Variants in BORCS5 observed in about 807,000 individuals in gnomAD.
The protein encoded by BORCS5 is BLOC-1 related complex subunit 5.
A neutral mutation model predicts 22.1 loss-of-function variants in BORCS5; 17 were observed. That is an observed-to-expected ratio of 0.77 (90% CI 0.53 to 1.15). The LOEUF (loss-of-function observed/expected upper bound fraction) is 1.15. BORCS5 is among the 50% of genes most tolerant of loss of function. BORCS5 has a pLI of 0.00. For missense variants in BORCS5, 247 were observed against 253.2 expected (o/e 0.98, Z 0.17); for synonymous variants, 117 against 99.8 (o/e 1.17, Z -1.03).
At chr12:12,383,839 A>G (rs536938216) in intron 2 of BORCS5, among the ~76,000 whole-genome samples, 1 of 150,960 alleles carries the variant, frequency 6.6e-6, no homozygotes, top group Admixed American at 6.6e-5. Context: ...AGCTTCTTGA[A>G]TGTGTGGATT....
At chr12:12,439,883 A>G (rs1483891902) in intron 3 of BORCS5, among the ~76,000 whole-genome samples, 1 of 152,200 alleles carries the variant, frequency 6.6e-6, no homozygotes, top group Non-Finnish European at 1.5e-5. Context: ...CTCAGACCTA[A>G]GGGTTGAAAT....
chr12:12,384,028 C>T (rs1252593655), intron 2 of BORCS5, among the ~76,000 whole-genome samples: 1 of 150,950 alleles, frequency 6.6e-6, no homozygotes, highest in Non-Finnish European at 1.5e-5. Context: ...ATTCTTTTTC[C>T]TGCCATCCCC....
rs543851356 is a variant in BORCS5, at chr12:12,430,844, T to C, written c.203-4784T>C. Among the ~76,000 whole-genome samples, 35 of 152,342 alleles carry C rather than the reference T, an allele frequency of 2.3e-4. No individual in the cohort carries two copies. In the East Asian group the frequency reaches 5.8e-3, roughly 25 times the overall value. ...GCAATGATAGCACACTCTATGCATC[T>C]ATATACCTTTTAAAAATTTTATCTT... On this transcript the variant is annotated intron_variant, in intron 2 of 3. Transcript: ENST00000314565.
intron 2 of BORCS5, among the ~76,000 whole-genome samples, chr12:12,435,314 C>A (rs1318714533): frequency 1.3e-5 from 2 of 152,284 alleles, no homozygotes; most frequent in East Asian, 3.9e-4. Context: ...CACTTACTAG[C>A]TATGTGACGT....
intron 2 of BORCS5, among the ~76,000 whole-genome samples, chr12:12,384,937 T>G (rs1349193790): frequency 6.6e-6 from 1 of 151,286 alleles, no homozygotes; most frequent in Admixed American, 6.6e-5. Context: ...CTTATATCTT[T>G]ACATCTGCTT....
chr12:12,451,045 G>A (rs1278670932), intron 3 of BORCS5, among the ~76,000 whole-genome samples: 1 of 152,168 alleles, frequency 6.6e-6, no homozygotes. Context: ...TAGTCCTCCA[G>A]TATGGATGCC....
chr12:12,441,072 C>G (rs1375905597), intron 3 of BORCS5, among the ~76,000 whole-genome samples: 1 of 152,068 alleles, frequency 6.6e-6, no homozygotes, highest in African/African-American at 2.4e-5. Context: ...AGAGTTGGAG[C>G]CTTGTGGGAC....
chr12:12,374,375 CTAA>C (rs1415476454), intron 2 of BORCS5, among the ~76,000 whole-genome samples: 2 of 151,702 alleles, frequency 1.3e-5, no homozygotes, highest in Admixed American at 6.6e-5. Flanking sequence ...GCTCATGCTT[CTAA>C]TTCCAGCACT....
chr12:12,389,931 A>T (rs544121281), intron 2 of BORCS5, among the ~76,000 whole-genome samples: 1 of 152,134 alleles, frequency 6.6e-6, no homozygotes, highest in African/African-American at 2.4e-5. Flanking sequence ...GCCATGAGGC[A>T]CTGCGCCTGG....
chr12:12,407,676 T>G (rs1941622793), intron 2 of BORCS5, among the ~76,000 whole-genome samples: 1 of 151,910 alleles, frequency 6.6e-6, no homozygotes. Flanking sequence ...ATTATTCTAC[T>G]TATTTTCGCC....
intron 3 of BORCS5, among the ~76,000 whole-genome samples, chr12:12,448,632 G>A (rs1942838687): frequency 6.6e-6 from 1 of 151,530 alleles, no homozygotes; most frequent in Non-Finnish European, 1.5e-5. Context: ...GGTTTCAAGC[G>A]ATTCTCCTGC....
intron 3 of BORCS5, among the ~76,000 whole-genome samples, chr12:12,441,473 G>T (rs1318539251): frequency 1.3e-5 from 2 of 152,108 alleles, no homozygotes; most frequent in Non-Finnish European, 2.9e-5. Context: ...TTTCGTGAGG[G>T]TTCAATGAGT....
At chr12:12,414,509 G>T (rs1267103992) in intron 2 of BORCS5, among the ~76,000 whole-genome samples, 2 of 74,840 alleles carry the variant, frequency 2.7e-5, no homozygotes. Flanking sequence ...AGGGGCGGCC[G>T]GGCAGAGGAG....
chr12:12,439,942 C>T (rs1942648959), intron 3 of BORCS5, among the ~76,000 whole-genome samples: 1 of 152,152 alleles, frequency 6.6e-6, no homozygotes, highest in South Asian at 2.1e-4. Flanking sequence ...TGATCAAACA[C>T]CAACTCTCTG....
intron 2 of BORCS5, among the ~76,000 whole-genome samples, chr12:12,382,073 G>C (rs1211613761): frequency 1.3e-5 from 2 of 151,160 alleles, no homozygotes; most frequent in African/African-American, 4.9e-5. Context: ...AATATTAATA[G>C]AGCCATTTGT....
chr12:12,450,381 A>G (rs956720021), intron 3 of BORCS5, among the ~76,000 whole-genome samples: 2 of 152,272 alleles, frequency 1.3e-5, no homozygotes, highest in Non-Finnish European at 2.9e-5. Flanking sequence ...TGAGATGTCA[A>G]GAGTACAAAA....
chr12:12,432,864 G>A (rs929382684), intron 2 of BORCS5, among the ~76,000 whole-genome samples: 13 of 152,198 alleles, frequency 8.5e-5, no homozygotes, highest in Non-Finnish European at 1.6e-4. Context: ...ATGGTTGCCA[G>A]TGTTTTAAAG....
At chr12:12,447,839 C>T (rs544310159) in intron 3 of BORCS5, among the ~76,000 whole-genome samples, 1 of 152,306 alleles carries the variant, frequency 6.6e-6, no homozygotes, top group Admixed American at 6.5e-5. Context: ...CTTACTTTTA[C>T]CTCTCTTTAA....
At chr12:12,456,493 A>G (rs1943000439) in intron 3 of BORCS5, among the ~76,000 whole-genome samples, 1 of 152,204 alleles carries the variant, frequency 6.6e-6, no homozygotes, top group South Asian at 2.1e-4. Context: ...CCAGCATCAA[A>G]GCTTATTTTA....
Sources: gnomAD v4.1 joint callset for allele counts (sites outside exome capture counted in the v4.1 genomes callset) on GRCh38, gnomAD v4.1.1 for gene constraint, MANE v1.5 for transcripts, NCBI Gene and HGNC (gene_info 2026-07-23, HGNC 2026-07-21) for gene names.